Variants in PSMD14 observed in about 807,000 individuals in gnomAD.
PSMD14 encodes proteasome 26S subunit, non-ATPase 14.
Under a neutral mutation model 41.2 loss-of-function variants are expected in PSMD14, and 7 were observed. That is an observed-to-expected ratio of 0.17 (90% CI 0.10 to 0.32). The LOEUF (loss-of-function observed/expected upper bound fraction) is 0.32, where lower values mean the gene tolerates loss of function less well. Ranked by LOEUF, PSMD14 falls within the 10% of genes least tolerant of loss-of-function variation. The pLI is 1.00. For missense variants in PSMD14, 139 were observed against 375.6 expected (o/e 0.37, Z 5.21); for synonymous variants, 114 against 122.3 (o/e 0.93, Z 0.45).
chr2:161,332,665 C>G (rs1239507973), intron 3 of PSMD14, among the ~76,000 whole-genome samples: 2 of 152,176 alleles, frequency 1.3e-5, no homozygotes, highest in Non-Finnish European at 2.9e-5. Context: ...TGCTGTGGAA[C>G]CTTTTTCTCC....
At chr2:161,353,340 G>A (rs1683146528) in intron 3 of PSMD14, among the ~76,000 whole-genome samples, 1 of 152,192 alleles carries the variant, frequency 6.6e-6, no homozygotes, top group South Asian at 2.1e-4. Flanking sequence ...GGATAAGGAA[G>A]AGCATGTCTA....
intron 10 of PSMD14, among the ~76,000 whole-genome samples, chr2:161,396,978 C>A (rs1294970471): frequency 6.6e-6 from 1 of 152,090 alleles, no homozygotes; most frequent in Non-Finnish European, 1.5e-5. Context: ...CAGGCGCCCG[C>A]TGCAACACCC....
intron 3 of PSMD14, among the ~76,000 whole-genome samples, chr2:161,348,232 T>A (rs890395026): frequency 2.6e-5 from 4 of 152,200 alleles, no homozygotes; most frequent in African/African-American, 9.7e-5. Context: ...ACAGCATTGC[T>A]TATAACAGGG....
chr2:161,351,711 C>G (rs1457114556), intron 3 of PSMD14, among the ~76,000 whole-genome samples: 2 of 152,202 alleles, frequency 1.3e-5, no homozygotes, highest in Non-Finnish European at 2.9e-5. Context: ...TTCACTCATA[C>G]TGTATGTCTA....
chr2:161,310,505 T>G (rs1689076066), intron 1 of PSMD14, among the ~76,000 whole-genome samples: 1 of 152,222 alleles, frequency 6.6e-6, no homozygotes, highest in South Asian at 2.1e-4. Context: ...ACATTTCGTA[T>G]TCTGCTTTGT....
chr2:161,411,248 T>G (rs1430060548), intron 11 of PSMD14, 54 bp from the exon 12 acceptor site: 57 of 1,234,026 alleles, frequency 4.6e-5, no homozygotes, highest in Non-Finnish European at 6.3e-5. Context: ...TTTAAGTAAT[T>G]TATCTACCAG....
Position 161,411,461 on chromosome 2 carries a change from T to A in PSMD14, c.*61T>A, listed in dbSNP as rs974973733. The A allele has an allele frequency of 2.9e-5, 37 of 1,266,656 alleles. No individual in the cohort carries two copies. The highest frequency in any genetic ancestry group is 3.7e-5 in the Non-Finnish European group (34 of 913,296). The allele number at this position is 1,266,656 out of a possible 1,614,324, so 78.5% of individuals were successfully genotyped here. On this transcript the variant is annotated 3_prime_UTR_variant, in exon 12 of 12. Coordinates refer to ENST00000409682, the MANE Select transcript of PSMD14 (RefSeq NM_005805.6). ...TATATTCCTCTGTTGTTCCTAATGCTCAAAATCAAGGGACCTCTGAAGGTG... is the reference window on the plus strand; with the variant it reads ...TATATTCCTCTGTTGTTCCTAATGCACAAAATCAAGGGACCTCTGAAGGTG...
At chr2:161,340,836 T>G in intron 3 of PSMD14, 3 of 1,613,958 alleles carry the variant, frequency 1.9e-6, no homozygotes, top group Admixed American at 3.3e-5. Context: ...TCTCTGCTCC[T>G]CCTCCAGCTC....
At position 161,370,144 on chromosome 2, in the gene PSMD14, C is replaced by A; in HGVS notation, c.278C>A (p.Ala93Asp). The A allele has an allele frequency of 6.3e-7, 1 of 1,594,246 alleles. No individual in the cohort carries two copies. Among genetic ancestry groups the A allele is most frequent in the South Asian group, 1.1e-5 (1 of 87,510 alleles). Residue 93 changes from alanine (A) to aspartate (D), a missense_variant, in exon 6 of 12, where the codon GCT (alanine) becomes GAT (aspartate). Physicochemically the swap from Ala to Asp is moderately radical, Grantham distance 126. This residue lies in a region of PSMD14 where 35 missense variants were observed against 162.9 expected (regional missense o/e 0.21). Coordinates refer to ENST00000409682, the MANE Select transcript of PSMD14 (RefSeq NM_005805.6). Reference protein sequence around the residue: ...SVEAVDPVFQAKMLDMLKQTG... With the variant: ...SVEAVDPVFQDKMLDMLKQTG... ...GAGGCAGTTGATCCAGTGTTCCAAG[C>A]TAAAATGTTGGATATGTTGAAGCAG...
chr2:161,405,174 G>A (rs1306230295), intron 10 of PSMD14, among the ~76,000 whole-genome samples: 1 of 151,958 alleles, frequency 6.6e-6, no homozygotes, highest in Non-Finnish European at 1.5e-5. Context: ...CATCTCTCTT[G>A]CTCTTCTTCC....
At chr2:161,376,435 A>G (rs886637186) in intron 7 of PSMD14, among the ~76,000 whole-genome samples, 2 of 151,954 alleles carry the variant, frequency 1.3e-5, no homozygotes, top group Non-Finnish European at 2.9e-5. Flanking sequence ...GAACTAGAAT[A>G]TTAAAAAAAT....
intron 10 of PSMD14, among the ~76,000 whole-genome samples, chr2:161,400,629 C>T (rs1379360779): frequency 6.6e-6 from 1 of 152,170 alleles, no homozygotes. Context: ...TCATGGTTCA[C>T]TGTAGCTTCC....
chr2:161,315,900 A>G (rs948563273), intron 1 of PSMD14, among the ~76,000 whole-genome samples: 1 of 142,476 alleles, frequency 7.0e-6, no homozygotes, highest in Non-Finnish European at 1.5e-5. Context: ...CTGGAGTGCA[A>G]TGGCGCGTTC....
chr2:161,311,516 T>A (rs1689087216), intron 1 of PSMD14, among the ~76,000 whole-genome samples: 1 of 152,086 alleles, frequency 6.6e-6, no homozygotes, highest in South Asian at 2.1e-4. Context: ...GAGAGACTTG[T>A]GTATCCATGA....
chr2:161,380,008 A>G (rs546866590), intron 7 of PSMD14, among the ~76,000 whole-genome samples: 2 of 152,168 alleles, frequency 1.3e-5, no homozygotes, highest in East Asian at 3.9e-4. Context: ...TGAGTCAGTC[A>G]TGCGCTCCAC....
intron 3 of PSMD14, among the ~76,000 whole-genome samples, chr2:161,361,812 T>G (rs1683292779): frequency 6.6e-6 from 1 of 152,332 alleles, no homozygotes; most frequent in East Asian, 1.9e-4. Flanking sequence ...TTGCTCAGTC[T>G]TTTTGTTTTA....
At chr2:161,380,015 C>T (rs1296711529) in intron 7 of PSMD14, among the ~76,000 whole-genome samples, 1 of 152,012 alleles carries the variant, frequency 6.6e-6, no homozygotes, top group African/African-American at 2.4e-5. Context: ...GTCATGCGCT[C>T]CACAGCAGGT....
rs796534401 is a variant in PSMD14, at chr2:161,316,093, G to A, written c.-137-344G>A. Among the ~76,000 whole-genome samples the A allele has an allele frequency of 3.1e-4, 47 of 152,122 alleles. 1 individual carries two copies. Among genetic ancestry groups the A allele is most frequent in the African/African-American group, 1.1e-3 (44 of 41,528 alleles). On this transcript the variant is annotated intron_variant, in intron 1 of 11. Coordinates refer to ENST00000409682, the MANE Select transcript of PSMD14 (RefSeq NM_005805.6). ...TCCTGACCTCAGGTGATCCGCCCGC[G>A]TTGGCCTCCCAAAGTGCTGGGATTA...
At chr2:161,403,552 C>G (rs1683910308) in intron 10 of PSMD14, among the ~76,000 whole-genome samples, 1 of 152,050 alleles carries the variant, frequency 6.6e-6, no homozygotes, top group South Asian at 2.1e-4. Flanking sequence ...TTTAAAAATG[C>G]AAATTGGTTC....
Sources: gnomAD v4.1 joint callset for allele counts (sites outside exome capture counted in the v4.1 genomes callset) on GRCh38, gnomAD v4.1.1 for gene constraint, gnomAD v4.1.1 regional missense constraint, MANE v1.5 for transcripts, NCBI Gene and HGNC (gene_info 2026-07-23, HGNC 2026-07-21) for gene names.